The following SPAG16 variants were observed in gnomAD, a reference collection of about 807,000 sequenced individuals.
The protein encoded by SPAG16 is sperm associated antigen 16.
In SPAG16, 86 loss-of-function variants were observed where a neutral mutation model predicts 80.4. The ratio of observed to expected loss-of-function variants is 1.07; its 90% CI spans 0.90 to 1.28. The LOEUF is 1.28. Ranked by LOEUF, SPAG16 falls within the 50% of genes most tolerant of loss-of-function variation. The probability of loss-of-function intolerance (pLI) is 0.00; values close to 1 mark genes in which losing one functional copy is unlikely to be tolerated. For synonymous variants in SPAG16, 294 were observed against 265.9 expected (o/e 1.11, Z -1.03); for missense variants, 870 against 765.3 (o/e 1.14, Z -1.61).
rs568324449 is a variant in SPAG16 at position 213,914,024 on chromosome 2, A to G, written c.1215-15936A>G. ...TATTTCACCTAAAACATACCTCCAC[A>G]GAGATATTTAGACTGATGTTTGACC... is the stretch of plus-strand genomic sequence containing the variant. On this transcript the variant is annotated intron_variant, in intron 11 of 15. Coordinates refer to ENST00000331683, the MANE Select transcript of SPAG16 (RefSeq NM_024532.5). Among the ~76,000 whole-genome samples, 7 of 152,250 alleles carry G rather than the reference A, an allele frequency of 4.6e-5. No individual in the cohort carries two copies. The South Asian group carries it at 1.4e-3, about 32-fold the overall frequency.
chr2:214,234,040 T>C (rs115596529), intron 15 of SPAG16, among the ~76,000 whole-genome samples: 3,447 of 151,036 alleles, frequency 0.023, 84 homozygotes, highest in African/African-American at 0.059. Context: ...TCCTCCCACC[T>C]GCCACCTTTC....
At chr2:213,828,002 A>C (rs1330330682) in intron 10 of SPAG16, among the ~76,000 whole-genome samples, 1 of 152,090 alleles carries the variant, frequency 6.6e-6, no homozygotes, top group Non-Finnish European at 1.5e-5. Flanking sequence ...TCTTTGGGTT[A>C]AATCTCCTTG....
chr2:214,203,048 A>G (rs571707668), intron 15 of SPAG16, among the ~76,000 whole-genome samples: 2 of 152,314 alleles, frequency 1.3e-5, no homozygotes, highest in South Asian at 2.1e-4. Flanking sequence ...TAAATTCTGG[A>G]AACCTAAATT....
intron 12 of SPAG16, among the ~76,000 whole-genome samples, chr2:213,935,259 A>G (rs1306869830): frequency 6.6e-6 from 1 of 151,366 alleles, no homozygotes; most frequent in African/African-American, 2.4e-5. Context: ...TATTTCCAGT[A>G]TATTTGTTAC....
intron 10 of SPAG16, among the ~76,000 whole-genome samples, chr2:213,601,792 T>C (rs1483927716): frequency 6.6e-6 from 1 of 152,230 alleles, no homozygotes; most frequent in African/African-American, 2.4e-5. Flanking sequence ...AGTAACATGC[T>C]ATACAGGTTT....
At chr2:214,078,670 ATATAG>A (rs2051207819) in intron 13 of SPAG16, among the ~76,000 whole-genome samples, 2 of 152,144 alleles carry the variant, frequency 1.3e-5, no homozygotes, top group Admixed American at 1.3e-4. Flanking sequence ...ATTACTATAA[ATATAG>A]TATATTTCTG....
intron 12 of SPAG16, among the ~76,000 whole-genome samples, chr2:213,984,131 A>G (rs1245087131): frequency 1.3e-5 from 2 of 152,118 alleles, no homozygotes; most frequent in African/African-American, 2.4e-5. Flanking sequence ...TATGATTGAA[A>G]TAATGCATAT....
intron 10 of SPAG16, among the ~76,000 whole-genome samples, chr2:213,853,762 G>C (rs1002324015): frequency 6.6e-6 from 1 of 152,074 alleles, no homozygotes; most frequent in Non-Finnish European, 1.5e-5. Flanking sequence ...TGGCACTTAG[G>C]GCAGGTGCCA....
chr2:213,790,244 C>T (rs1356860507), intron 10 of SPAG16, among the ~76,000 whole-genome samples: 14 of 151,850 alleles, frequency 9.2e-5, no homozygotes, highest in Admixed American at 3.9e-4. Context: ...AGACTCTCCA[C>T]GATAGTTTCC....
chr2:213,951,015 CAT>C (rs141302891), intron 12 of SPAG16, among the ~76,000 whole-genome samples: 4,254 of 115,970 alleles, frequency 0.037, 193 homozygotes, highest in African/African-American at 0.12. Flanking sequence ...CCTAGCCTGA[CAT>C]AGTTTTTTTT....
chr2:213,351,391 T>C (rs1238229159), intron 7 of SPAG16, among the ~76,000 whole-genome samples: 2 of 152,154 alleles, frequency 1.3e-5, no homozygotes, highest in Non-Finnish European at 2.9e-5. Flanking sequence ...TTATATGAGA[T>C]ATTTTAATAA....
chr2:213,866,834 AT>A (rs1326172489), intron 11 of SPAG16, among the ~76,000 whole-genome samples: 1 of 152,088 alleles, frequency 6.6e-6, no homozygotes, highest in African/African-American at 2.4e-5. Context: ...TACATATTTT[AT>A]TTTTTTCCCT....
At chr2:213,445,997 C>T (rs1333128855) in intron 9 of SPAG16, among the ~76,000 whole-genome samples, 6 of 152,126 alleles carry the variant, frequency 3.9e-5, no homozygotes, top group African/African-American at 4.8e-5. Flanking sequence ...AGGCTTGGAC[C>T]GCTGAAACCA....
chr2:214,065,892 C>A (rs1405740110), intron 13 of SPAG16, among the ~76,000 whole-genome samples: 2 of 152,136 alleles, frequency 1.3e-5, no homozygotes. Flanking sequence ...CAGCTCCTCT[C>A]TCCAAACTTT....
intron 13 of SPAG16, among the ~76,000 whole-genome samples, chr2:214,017,556 T>C (rs1216487960): frequency 6.6e-6 from 1 of 152,180 alleles, no homozygotes; most frequent in African/African-American, 2.4e-5. Flanking sequence ...ACTGCTCTAA[T>C]TTTAAAAAGT....
intron 15 of SPAG16, among the ~76,000 whole-genome samples, chr2:214,265,673 C>T (rs1265033973): frequency 6.6e-6 from 1 of 151,852 alleles, no homozygotes; most frequent in Non-Finnish European, 1.5e-5. Flanking sequence ...AAGTCGTCAC[C>T]AAACCAATGG....
chr2:213,730,523 C>G (rs1262853699), intron 10 of SPAG16, among the ~76,000 whole-genome samples: 4 of 152,166 alleles, frequency 2.6e-5, no homozygotes, highest in Non-Finnish European at 1.5e-5. Flanking sequence ...ACTTCACTCT[C>G]TTGTTTATAT....
chr2:213,868,344 G>T (rs1308762631), intron 11 of SPAG16, among the ~76,000 whole-genome samples: 2 of 93,290 alleles, frequency 2.1e-5, no homozygotes, highest in African/African-American at 5.6e-5. Context: ...TCATCTTTTT[G>T]ATTTGTTTTT....
At chr2:213,830,283 T>C (rs2073555942) in intron 10 of SPAG16, among the ~76,000 whole-genome samples, 1 of 152,168 alleles carries the variant, frequency 6.6e-6, no homozygotes, top group Admixed American at 6.5e-5. Flanking sequence ...TGAGTTCCAA[T>C]GCAAAATCCC....
Sources: allele counts gnomAD v4.1 joint callset (sites outside exome capture counted in the v4.1 genomes callset), GRCh38; gene constraint gnomAD v4.1.1; transcripts MANE v1.5; gene names NCBI Gene and HGNC (gene_info 2026-07-23, HGNC 2026-07-21).